Variants in ABCC9 observed in about 807,000 individuals in gnomAD.
The protein encoded by ABCC9 is ATP-binding cassette sub-family C member 9.
In ABCC9, 95 loss-of-function variants were observed where a neutral mutation model predicts 188.3. The observed-to-expected ratio is 0.50, with a 90% CI of 0.43 to 0.60. ABCC9 has a LOEUF of 0.60. ABCC9 is among the 20% of genes least tolerant of loss of function. The pLI is 0.00. For missense variants in ABCC9, 1,102 were observed against 1,876.3 expected, an observed-to-expected ratio of 0.59 and a Z score of 7.62; for synonymous variants, 659 against 652.7, an observed-to-expected ratio of 1.01 and a Z score of -0.15.
At position 21,807,360 on chromosome 12, in the gene ABCC9, T is replaced by G; in HGVS notation, c.4435A>C (p.Ile1479Leu). The G allele has an allele frequency of 6.2e-7, 1 of 1,613,936 alleles. No individual in the cohort carries two copies. Among genetic ancestry groups the G allele is most frequent in the South Asian group, 1.1e-5 (1 of 91,088 alleles). Residue 1479 changes from isoleucine (I) to leucine (L), a missense_variant, in exon 38 of 40, where the codon ATT (isoleucine) becomes CTT (leucine). Coordinates refer to ENST00000261200, the MANE Select transcript of ABCC9 (RefSeq NM_020297.4). Reference sequence around the variant, plus strand: ...AATGCACTCACTGTGGCCATGTCAATGGAAGCTGTTGCCTCATCCATAATA... The same window carrying G: ...AATGCACTCACTGTGGCCATGTCAAGGGAAGCTGTTGCCTCATCCATAATA... Reference protein sequence around the residue: ...ILIMDEATASIDMATENILQK... With the variant: ...ILIMDEATASLDMATENILQK...
At chr12:21,894,648 T>C (rs1947316408) in intron 13 of ABCC9, among the ~76,000 whole-genome samples, 1 of 140,044 alleles carries the variant, frequency 7.1e-6, no homozygotes, top group South Asian at 2.3e-4. Flanking sequence ...ATCACTTCAT[T>C]GCCCAGGCTA....
rs144084057 is a variant in ABCC9, at chr12:21,837,919, AT to A, written c.3566+158del. 3.5e-4 allele frequency among the ~76,000 whole-genome samples: 53 copies of A among 152,308 alleles called. No homozygotes were observed. The East Asian group carries it at 0.01, about 29-fold the overall frequency. ...TTTGGATGAGTAAACTCTAACTCTG[AT>A]CATTTACACCAAATTTTTCTTATTC... is the stretch of plus-strand genomic sequence containing the variant. On this transcript the variant is annotated intron_variant, in intron 30 of 39. Transcript: ENST00000261200.
chr12:21,821,988 C>G (rs1033961843), intron 31 of ABCC9, among the ~76,000 whole-genome samples: 27 of 152,052 alleles, frequency 1.8e-4, no homozygotes, highest in Non-Finnish European at 8.8e-5. Flanking sequence ...TCCAAATATG[C>G]TCAAATTCAT....
At chr12:21,886,780 T>G (rs1298843174) in intron 15 of ABCC9, among the ~76,000 whole-genome samples, 1 of 152,122 alleles carries the variant, frequency 6.6e-6, no homozygotes, top group African/African-American at 2.4e-5. Context: ...TGCCCCTCTG[T>G]TCCTTGAACA....
chr12:21,862,271 C>A (rs1411979687), intron 20 of ABCC9, among the ~76,000 whole-genome samples: 2 of 152,102 alleles, frequency 1.3e-5, no homozygotes, highest in African/African-American at 4.8e-5. Flanking sequence ...ATCATTGTAG[C>A]CAATTGGCTT....
intron 2 of ABCC9, among the ~76,000 whole-genome samples, chr12:21,939,164 C>T (rs998870955): frequency 5.3e-5 from 8 of 152,252 alleles, no homozygotes; most frequent in Non-Finnish European, 1.0e-4. Flanking sequence ...GTACAGTAAA[C>T]GCTTTAGAAC....
chr12:21,883,837 A>C lies in ABCC9; in HGVS notation c.1912-964T>G, dbSNP rs928694616. Among the ~76,000 whole-genome samples, 5 of 152,170 alleles carry C rather than the reference A, an allele frequency of 3.3e-5. No individual in the cohort carries two copies. The East Asian group carries it at 9.6e-4, about 29-fold the overall frequency. On this transcript the variant is annotated intron_variant, in intron 15 of 39. Coordinates refer to ENST00000261200, the MANE Select transcript of ABCC9 (RefSeq NM_020297.4). Reference sequence around the variant, plus strand: ...CCCTATTCCTAGTCAATGGACTAAAACATCCTTTATAAAGAGGATGCCAGC... The same window carrying C: ...CCCTATTCCTAGTCAATGGACTAAACCATCCTTTATAAAGAGGATGCCAGC...
chr12:21,872,552 T>A, intron 18 of ABCC9, 73 bp downstream of exon 18: 1 of 1,190,630 alleles, frequency 8.4e-7, no homozygotes, highest in Non-Finnish European at 1.3e-6. Flanking sequence ...TAAATGTATT[T>A]GTCTAAGTTC....
rs201117578 is a variant in ABCC9 at position 21,844,477 on chromosome 12, A to G, written c.3315+6T>C. 4 of 1,611,170 alleles carry G rather than the reference A, an allele frequency of 2.5e-6. No individual in the cohort carries two copies. In the East Asian group the frequency reaches 8.9e-5, roughly 36 times the overall value. On this transcript the variant is annotated splice_donor_region_variant and intron_variant, in intron 28 of 39. Transcript: ENST00000261200. Reference sequence around the variant, plus strand: ...TTTTGAACTTGGAAGTAACCCAGTTACTCACCTGATCAATGATATTAGTAT... The same window carrying G: ...TTTTGAACTTGGAAGTAACCCAGTTGCTCACCTGATCAATGATATTAGTAT...
chr12:21,925,815 G>T, intron 5 of ABCC9, 127 bp downstream of exon 5: 1 of 1,046,684 alleles, frequency 9.6e-7, no homozygotes, highest in Admixed American at 2.1e-5. Flanking sequence ...TTAATCACTG[G>T]TTTTCCCATA....
At chr12:21,904,759 CATTAAAAAGTCAGG>C in intron 12 of ABCC9, among the ~76,000 whole-genome samples, 1 of 152,212 alleles carries the variant, frequency 6.6e-6, no homozygotes, top group East Asian at 1.9e-4. Context: ...GAATGGCGAT[CATTAAAAAGTCAGG>C]AAACAACAAG....
chr12:21,882,895 AC>A, intron 15 of ABCC9, 22 bp from the exon 16 acceptor site: 5 of 1,572,844 alleles, frequency 3.2e-6, no homozygotes, highest in Non-Finnish European at 4.4e-6. Flanking sequence ...ATGGAAAAGA[AC>A]ACAAGTTGAG....
chr12:21,934,000 GATAAGC>G, intron 3 of ABCC9, 77 bp from the exon 4 acceptor site: 2 of 1,554,646 alleles, frequency 1.3e-6, no homozygotes, highest in Non-Finnish European at 1.8e-6. Context: ...TTTAAATTAT[GATAAGC>G]TTTAAGGCAG....
chr12:21,880,289 C>A (rs1045257785), intron 16 of ABCC9, among the ~76,000 whole-genome samples: 5 of 152,016 alleles, frequency 3.3e-5, no homozygotes, highest in Admixed American at 1.3e-4. Flanking sequence ...AGCTTCAAAG[C>A]TTTTAGGAGC....
chr12:21,819,805 A>G (rs1942920889), intron 31 of ABCC9, among the ~76,000 whole-genome samples: 2 of 152,180 alleles, frequency 1.3e-5, no homozygotes, highest in Non-Finnish European at 1.5e-5. Context: ...ATTGATGCTC[A>G]TGATCTTTAC....
chr12:21,902,760 A>G (rs1947829765), intron 12 of ABCC9, among the ~76,000 whole-genome samples: 1 of 152,180 alleles, frequency 6.6e-6, no homozygotes, highest in South Asian at 2.1e-4. Context: ...TGAATCCCTG[A>G]ATAGACCAAT....
At chr12:21,825,656 TA>T (rs1943334302) in intron 31 of ABCC9, among the ~76,000 whole-genome samples, 1 of 132,800 alleles carries the variant, frequency 7.5e-6, no homozygotes, top group Admixed American at 7.9e-5. Context: ...GGTGGGGGGC[TA>T]GGGGAGGGAT....
At chr12:21,926,732 A>G (rs1202212176) in intron 4 of ABCC9, among the ~76,000 whole-genome samples, 1 of 152,202 alleles carries the variant, frequency 6.6e-6, no homozygotes, top group Non-Finnish European at 1.5e-5. Context: ...GAGGAAGAAG[A>G]GAGGAAGACA....
At chr12:21,875,805 C>A in intron 16 of ABCC9, 79 bp from the exon 17 acceptor site, 1 of 1,235,424 alleles carries the variant, frequency 8.1e-7, no homozygotes, top group African/African-American at 1.5e-5. Context: ...AATTTGTAGG[C>A]CAGGCGCAGT....
Sources: allele counts gnomAD v4.1 joint callset (sites outside exome capture counted in the v4.1 genomes callset), GRCh38; gene constraint gnomAD v4.1.1; transcripts MANE v1.5; gene names NCBI Gene and HGNC (gene_info 2026-07-23, HGNC 2026-07-21).